PER3: variants seen among roughly 807,000 people sequenced by gnomAD.
The protein encoded by PER3 is period circadian protein homolog 3.
In PER3, 107 loss-of-function variants were observed where a neutral mutation model predicts 127.2. The observed-to-expected ratio is 0.84, with a 90% CI of 0.72 to 0.99. The LOEUF (loss-of-function observed/expected upper bound fraction) is 0.99. PER3 is among the 50% of genes least tolerant of loss of function. PER3 has a pLI of 0.00. For synonymous variants in PER3, 618 were observed against 585.8 expected (o/e 1.05, Z -0.79); for missense variants, 1,560 against 1,525.8 (o/e 1.02, Z -0.37).
chr1:7,815,648 C>T (rs2097244967), intron 13 of PER3, among the ~76,000 whole-genome samples: 1 of 152,022 alleles, frequency 6.6e-6, no homozygotes, highest in Non-Finnish European at 1.5e-5. Context: ...TAACTTCATA[C>T]TTACAAATAA....
chr1:7,789,426 CA>C, intron 5 of PER3, among the ~76,000 whole-genome samples: 1 of 152,280 alleles, frequency 6.6e-6, no homozygotes, highest in Middle Eastern at 3.4e-3. Flanking sequence ...AGTTTCTCTG[CA>C]CAAGCTCTCT....
At chr1:7,790,561 C>T (rs77634791) in intron 5 of PER3, among the ~76,000 whole-genome samples, 2 of 152,114 alleles carry the variant, frequency 1.3e-5, no homozygotes, top group African/African-American at 2.4e-5. Flanking sequence ...CTCTTAAGCC[C>T]TCCCAAATCT....
chr1:7,787,355 C>T (rs565254198), intron 4 of PER3: 167 of 271,824 alleles, frequency 6.1e-4, no homozygotes, highest in African/African-American at 3.5e-3. Flanking sequence ...TTGGTTGATA[C>T]GGTGGAGATT....
chr1:7,829,945 TCCACA>T lies in PER3; in HGVS notation c.2999_3003del (p.Ser1000TrpfsTer81). ...ATCCCATCCTACTGCCAGCGCTCTG[TCCACA>T]GGATCGCCTCCCATGAAGAATCCAT... On this transcript the variant is annotated frameshift_variant, in exon 19 of 22. Coordinates refer to ENST00000377532, the MANE Select transcript of PER3 (RefSeq NM_001377275.1). LOFTEE classifies it high-confidence loss of function. The T allele has an allele frequency of 7.9e-7, 1 of 1,269,490 alleles. No homozygotes were observed. The highest frequency in any genetic ancestry group is 1.0e-6 in the Non-Finnish European group (1 of 991,652). 78.6% of individuals were successfully genotyped at this position (1,269,490 alleles called of 1,614,324 possible).
At position 7,835,899 on chromosome 1, in the gene PER3, C is replaced by G; in HGVS notation, c.3352C>G (p.Arg1118Gly). The change falls in exon 20 of 22, where the codon CGG (arginine) becomes GGG (glycine). Residue 1118 changes from arginine (R) to glycine (G), a missense_variant. Physicochemically the swap from Arg to Gly is moderately radical, Grantham distance 125 (BLOSUM62 -2). Transcript: ENST00000377532. ...CGAAGAGCCCATCTGGAGAATGATACGGCAGACACCTGAGCGCATTCTCAT... is the reference window on the plus strand; with the variant it reads ...CGAAGAGCCCATCTGGAGAATGATAGGGCAGACACCTGAGCGCATTCTCAT... ...VAEEPIWRMI[R>G]QTPERILMTY... is the part of the protein sequence containing the mutation. 6.2e-7 allele frequency: 1 copy of G among 1,610,876 alleles called. No individual in the cohort carries two copies. The highest frequency in any genetic ancestry group is 8.5e-7 in the Non-Finnish European group (1 of 1,177,018).
At chr1:7,809,140 T>A (rs541130844) in intron 11 of PER3, 142 bp downstream of exon 11, 1 of 571,942 alleles carries the variant, frequency 1.7e-6, no homozygotes, top group African/African-American at 1.9e-5. Context: ...CTTTCTCTTT[T>A]CGTTTTTAAA....
intron 7 of PER3, among the ~76,000 whole-genome samples, chr1:7,800,817 ACT>A (rs2097167300): frequency 1.1e-5 from 1 of 89,114 alleles, no homozygotes; most frequent in Admixed American, 1.4e-4. Flanking sequence ...ATAGAGCAAG[ACT>A]CTGTCTCCAA....
At chr1:7,789,702 A>G (rs745358416) in intron 5 of PER3, among the ~76,000 whole-genome samples, 11 of 152,214 alleles carry the variant, frequency 7.2e-5, no homozygotes, top group African/African-American at 1.7e-4. Context: ...TCATCTTTAT[A>G]TCTGAAATTC....
At chr1:7,827,035 A>G in intron 17 of PER3, 83 bp from the exon 18 acceptor site, 3 of 1,059,988 alleles carry the variant, frequency 2.8e-6, no homozygotes, top group South Asian at 1.7e-5. Flanking sequence ...TTCGTCAGCT[A>G]CTTATAACTA....
chr1:7,835,012 T>A (rs2151256701), intron 19 of PER3, among the ~76,000 whole-genome samples: 1 of 152,234 alleles, frequency 6.6e-6, no homozygotes. Flanking sequence ...GGGGTACATA[T>A]ATCATTAATT....
intron 12 of PER3, 110 bp downstream of exon 12, chr1:7,810,131 G>T: frequency 9.5e-7 from 1 of 1,048,410 alleles, no homozygotes; most frequent in South Asian, 1.7e-5. Flanking sequence ...GACCTCAACT[G>T]ATAACAGATA....
At chr1:7,830,768 A>G (rs1176994294) in intron 19 of PER3, among the ~76,000 whole-genome samples, 1 of 152,182 alleles carries the variant, frequency 6.6e-6, no homozygotes, top group Non-Finnish European at 1.5e-5. Flanking sequence ...GCCTTTGTTG[A>G]AAATAACTTG....
intron 8 of PER3, among the ~76,000 whole-genome samples, chr1:7,801,537 T>C (rs1201866807): frequency 1.3e-5 from 2 of 152,226 alleles, no homozygotes; most frequent in Non-Finnish European, 2.9e-5. Context: ...TCTGGTCTTC[T>C]AGCACTTATT....
chr1:7,835,724 C>G (rs771117294), intron 19 of PER3, 38 bp from the exon 20 acceptor site: 12 of 1,452,370 alleles, frequency 8.3e-6, no homozygotes, highest in Non-Finnish European at 1.1e-5. Flanking sequence ...ATCAGTCGGA[C>G]AGGTCTTTTC....
At chr1:7,785,708 GAAGA>G in intron 3 of PER3, 122 bp downstream of exon 3, 2 of 757,770 alleles carry the variant, frequency 2.6e-6, no homozygotes, top group Non-Finnish European at 4.4e-6. Context: ...GTGCTTTGTG[GAAGA>G]TGAGCAAATC....
At chr1:7,821,896 T>G (rs958535548) in intron 16 of PER3, among the ~76,000 whole-genome samples, 1 of 152,198 alleles carries the variant, frequency 6.6e-6, no homozygotes, top group Non-Finnish European at 1.5e-5. Flanking sequence ...CTCAGATGAG[T>G]TGTGTCTAAG....
rs548351842 is a variant in PER3 at position 7,813,955 on chromosome 1, C to T, written c.1522+3367C>T. The stretch of plus-strand genomic sequence containing the variant: ...AAAGGCTAGTGGACAAAGTGGGCAC[C>T]ATGCAGGACCGGGTGGGTAATCACA... On this transcript the variant is annotated intron_variant, in intron 13 of 21. Transcript: ENST00000377532. Among the ~76,000 whole-genome samples the T allele has an allele frequency of 3.6e-4, 55 of 152,274 alleles. No homozygotes were observed. The South Asian group carries it at 0.011, about 31-fold the overall frequency.
chr1:7,842,538 A>G lies in PER3; in HGVS notation c.3550-134A>G, dbSNP rs976329810. On this transcript the variant is annotated intron_variant, in intron 21 of 21. Coordinates refer to ENST00000377532, the MANE Select transcript of PER3 (RefSeq NM_001377275.1). ...AAAATAGTTATAATAATAATAAAGA[A>G]TGAACTATAATGAAATATTTTCAGA... 3.7e-5 allele frequency: 31 copies of G among 849,184 alleles called. No homozygotes were observed. The African/African-American group carries it at 5.1e-4, about 14-fold the overall frequency. 52.6% of individuals were successfully genotyped at this position (849,184 alleles called of 1,614,324 possible). A position where few individuals can be genotyped will look rare whatever the true frequency, so the allele number is the denominator to read the frequency against.
At chr1:7,841,142 A>G (rs1190960066) in intron 21 of PER3, among the ~76,000 whole-genome samples, 1 of 152,096 alleles carries the variant, frequency 6.6e-6, no homozygotes, top group Non-Finnish European at 1.5e-5. Context: ...ATAAATCACT[A>G]AAAAAAACTC....
Sources: gnomAD v4.1 joint callset for allele counts (sites outside exome capture counted in the v4.1 genomes callset) on GRCh38, gnomAD v4.1.1 for gene constraint, MANE v1.5 for transcripts, NCBI Gene and HGNC (gene_info 2026-07-23, HGNC 2026-07-21) for gene names.